The following OSER1 variants were observed in gnomAD, a reference collection of about 807,000 sequenced individuals.
OSER1 encodes the protein oxidative stress-responsive serine-rich protein 1.
OSER1 carries 15 observed loss-of-function variants against 26.3 expected under a neutral mutation model. The observed-to-expected ratio is 0.57, with a 90% CI of 0.38 to 0.88. The LOEUF is 0.88. Among genes scored for constraint, OSER1 ranks in the 40% least tolerant of loss-of-function variants. The pLI is 0.00. For missense variants in OSER1, 313 were observed against 353.9 expected, an observed-to-expected ratio of 0.88 and a Z score of 0.93; for synonymous variants, 127 against 128.2, an observed-to-expected ratio of 0.99 and a Z score of 0.07.
intron 3 of OSER1, among the ~76,000 whole-genome samples, chr20:44,199,537 GCTTT>G (rs1383516447): frequency 3.9e-5 from 6 of 152,268 alleles, no homozygotes; most frequent in East Asian, 3.9e-4. Context: ...AACTAAGACA[GCTTT>G]CTTTAAGTAA....
chr20:44,209,507 T>C (rs1399269189), intron 1 of OSER1, among the ~76,000 whole-genome samples: 2 of 152,222 alleles, frequency 1.3e-5, no homozygotes, highest in Non-Finnish European at 2.9e-5. Flanking sequence ...CTTTCTTCAT[T>C]AATATTAAAT....
At chr20:44,204,275 G>C (rs185175037) in intron 2 of OSER1, among the ~76,000 whole-genome samples, 1 of 152,172 alleles carries the variant, frequency 6.6e-6, no homozygotes, top group East Asian at 1.9e-4. Flanking sequence ...TTCCTGGCAA[G>C]GCCTGGTTAG....
Position 44,201,049 on chromosome 20 carries a change from C to T in OSER1, c.191+1912G>A, listed in dbSNP as rs539299040. Among the ~76,000 whole-genome samples the T allele has an allele frequency of 2.2e-3, 337 of 152,030 alleles. 2 individuals carry two copies. Among genetic ancestry groups the T allele is most frequent in the Middle Eastern group, 6.8e-3 (2 of 292 alleles). ...AAAGCAAAGTACAGTCTTCTGTATC[C>T]ACGGATTCTACACTTGTGGATTCAA... On this transcript the variant is annotated intron_variant, in intron 3 of 3. Transcript: ENST00000255174.
At position 44,197,059 on chromosome 20, in the gene OSER1, T is replaced by C; in HGVS notation, c.872A>G (p.Tyr291Cys). 1 of 1,604,556 alleles carries C rather than the reference T, an allele frequency of 6.2e-7. No homozygotes were observed. The highest frequency in any genetic ancestry group is 1.1e-5 in the South Asian group (1 of 90,904). The change falls in exon 4 of 4, where the codon TAC becomes TGC. Residue 291 changes from tyrosine to cysteine, a missense_variant. Tyr to Cys is a radical substitution (Grantham distance 194, BLOSUM62 -2). Around this residue, in one of 2 missense-constraint regions of OSER1, gnomAD observed 13 missense variants for 35.6 expected, o/e 0.37. Coordinates refer to ENST00000255174, the MANE Select transcript of OSER1 (RefSeq NM_016470.8). ...TGAATTAGCTTCTTGCTATCAGGTG[T>C]ACATCATTTCTGCCATGTGGGACAT... Reference protein sequence around the residue: ...KKMSHMAEMMYT With the variant: ...KKMSHMAEMMCT
intron 3 of OSER1, among the ~76,000 whole-genome samples, chr20:44,200,182 T>C (rs1305517658): frequency 1.3e-5 from 2 of 152,200 alleles, no homozygotes; most frequent in East Asian, 3.9e-4. Flanking sequence ...CTGCTGATCA[T>C]TGAGAGGCAG....
intron 3 of OSER1, among the ~76,000 whole-genome samples, chr20:44,199,162 CA>C (rs1366224294): frequency 1.3e-5 from 2 of 152,196 alleles, no homozygotes; most frequent in East Asian, 3.9e-4. Context: ...ATGTGTCACC[CA>C]AAAGTTCATG....
intron 2 of OSER1, among the ~76,000 whole-genome samples, chr20:44,205,458 A>C (rs1220497592): frequency 6.6e-6 from 1 of 152,246 alleles, no homozygotes; most frequent in Non-Finnish European, 1.5e-5. Flanking sequence ...ATGGAAGCAA[A>C]TATGAGCACC....
chr20:44,210,294 A>G (rs927432012), intron 1 of OSER1, among the ~76,000 whole-genome samples: 2 of 152,190 alleles, frequency 1.3e-5, no homozygotes, highest in Non-Finnish European at 2.9e-5. Context: ...GCGAGGCACA[A>G]GGGATGCGGG....
At chr20:44,201,260 A>T (rs575242178) in intron 3 of OSER1, among the ~76,000 whole-genome samples, 1 of 152,336 alleles carries the variant, frequency 6.6e-6, no homozygotes, top group Admixed American at 6.5e-5. Flanking sequence ...GTATGCAAAC[A>T]CTATACCATT....
At chr20:44,203,624 G>T (rs1175935981) in intron 2 of OSER1, among the ~76,000 whole-genome samples, 1 of 151,200 alleles carries the variant, frequency 6.6e-6, no homozygotes, top group Non-Finnish European at 1.5e-5. Flanking sequence ...AAGAAAAACA[G>T]AATCATCCAT....
In OSER1 at chr20:44,203,669, T is replaced by C. The variant is rs528079299; in HGVS notation, c.78-595A>G. Among the ~76,000 whole-genome samples the C allele has an allele frequency of 2.7e-5, 4 of 148,012 alleles. No homozygotes were observed. The East Asian group carries it at 6.0e-4, about 22-fold the overall frequency. ...CCCAGAGACTACCAACATCAAACAT[T>C]GGTGGAAATCCTTCCAGACTTTTTT... On this transcript the variant is annotated intron_variant, in intron 2 of 3. Coordinates refer to ENST00000255174, the MANE Select transcript of OSER1 (RefSeq NM_016470.8).
chr20:44,198,760 C>T (rs146144089), intron 3 of OSER1, among the ~76,000 whole-genome samples: 1 of 152,256 alleles, frequency 6.6e-6, no homozygotes, highest in African/African-American at 2.4e-5. Context: ...ACAGTAATCC[C>T]ATCTTATCCA....
upstream of OSER1, chr20:44,210,904 G>T (rs2073100231): frequency 6.6e-6 from 1 of 151,964 alleles, no homozygotes; most frequent in Non-Finnish European, 1.5e-5. Context: ...GGCAGCCGAC[G>T]ACTGCGCAGA....
intron 3 of OSER1, among the ~76,000 whole-genome samples, chr20:44,201,583 C>G (rs2072983006): frequency 1.3e-5 from 2 of 152,152 alleles, no homozygotes; most frequent in South Asian, 4.1e-4. Context: ...TAAATAAACA[C>G]TGTCTGCTTA....
In OSER1 at chr20:44,197,711, C is replaced by T. The variant is rs1177365084; in HGVS notation, c.220G>A (p.Val74Met). 2 of 1,613,042 alleles carry T rather than the reference C, an allele frequency of 1.2e-6. No individual in the cohort carries two copies. The highest frequency in any genetic ancestry group is 1.1e-5 in the South Asian group (1 of 91,046). ...GSTRKSSRGA[V>M]RTQRRRRSKS... is the part of the protein sequence containing the mutation. ...GAACGTCGACGACGCTGAGTTCTCA[C>T]TGCTCCTCGTGAAGACTTCCTTGTA... The change falls in exon 4 of 4, where the codon GTG (valine) becomes ATG (methionine). Residue 74 changes from valine (V) to methionine (M), a missense_variant. Physicochemically the swap from Val to Met is conservative, Grantham distance 21. This residue lies in a region of OSER1 where 300 missense variants were observed against 318.3 expected (regional missense o/e 0.94). Transcript: ENST00000255174.
At chr20:44,200,492 C>T (rs1040611279) in intron 3 of OSER1, among the ~76,000 whole-genome samples, 7 of 152,148 alleles carry the variant, frequency 4.6e-5, no homozygotes, top group Admixed American at 1.3e-4. Flanking sequence ...TGGCCTCCAA[C>T]GGCTAAAAAA....
chr20:44,204,028 T>C (rs2073014835), intron 2 of OSER1, among the ~76,000 whole-genome samples: 1 of 152,210 alleles, frequency 6.6e-6, no homozygotes, highest in Non-Finnish European at 1.5e-5. Flanking sequence ...ATCTCAACTA[T>C]GTAAAATAAG....
At chr20:44,209,896 T>C (rs1449726905) in intron 1 of OSER1, 1 of 151,718 alleles carries the variant, frequency 6.6e-6, no homozygotes, top group African/African-American at 2.4e-5. Flanking sequence ...ATTTCGAAAC[T>C]CCCAGACCAC....
At chr20:44,209,275 T>A (rs540307811) in intron 1 of OSER1, among the ~76,000 whole-genome samples, 25 of 152,364 alleles carry the variant, frequency 1.6e-4, no homozygotes, top group African/African-American at 6.0e-4. Context: ...AGGAATGAAG[T>A]TCTGTCTAAA....
Sources: allele counts gnomAD v4.1 joint callset (sites outside exome capture counted in the v4.1 genomes callset), GRCh38; gene constraint gnomAD v4.1.1; regional missense constraint gnomAD v4.1.1; transcripts MANE v1.5; gene names NCBI Gene and HGNC (gene_info 2026-07-23, HGNC 2026-07-21).